PHACTR2: variants seen among roughly 807,000 people sequenced by gnomAD.
PHACTR2 encodes phosphatase and actin regulator 2.
A neutral mutation model predicts 76.0 loss-of-function variants in PHACTR2; 30 were observed. The ratio of observed to expected loss-of-function variants is 0.39; its 90% CI spans 0.30 to 0.54. PHACTR2 has a LOEUF of 0.54. PHACTR2 is among the 20% of genes least tolerant of loss of function. The pLI is 0.61. For synonymous variants in PHACTR2, 292 were observed against 292.5 expected, an observed-to-expected ratio of 1.00 and a Z score of 0.02; for missense variants, 696 against 781.1, an observed-to-expected ratio of 0.89 and a Z score of 1.30.
Position 143,710,113 on chromosome 6 carries a change from G to A in PHACTR2, c.47-1903G>A, listed in dbSNP as rs1181859939. 2.6e-5 allele frequency among the ~76,000 whole-genome samples: 4 copies of A among 152,138 alleles called. No individual in the cohort carries two copies. The highest frequency in any genetic ancestry group is 5.9e-5 in the Non-Finnish European group (4 of 68,034). On this transcript the variant is annotated intron_variant, in intron 1 of 12. Transcript: ENST00000440869. The surrounding 1 kb of genome is among the most constrained non-coding windows in gnomAD (Gnocchi z 4.9). The stretch of plus-strand genomic sequence containing the variant: ...TATGTTGCTACTCTGCCCCTTTCCT[G>A]GTTATGTGGCTAGAGAGTGCAGACG...
chr6:143,705,140 G>A (rs777019635), intron 1 of PHACTR2, among the ~76,000 whole-genome samples: 4 of 141,916 alleles, frequency 2.8e-5, no homozygotes, highest in Admixed American at 7.0e-5. Context: ...TTATTTTTGA[G>A]ACAAGTCTCG....
At chr6:143,748,096 G>C (rs1331404549) in intron 2 of PHACTR2, among the ~76,000 whole-genome samples, 1 of 151,128 alleles carries the variant, frequency 6.6e-6, no homozygotes, top group South Asian at 2.1e-4. Flanking sequence ...ATGGAGTTTC[G>C]CTCTTGTCGC....
chr6:143,788,863 G>A lies in PHACTR2; in HGVS notation c.1798G>A (p.Asp600Asn). ...AGAAGTCACGGATTCTCCTGACTAT[G>A]ACCGCCGAGCAGACAAGCCCTGGGC... The part of the protein sequence containing the change: ...YVEVTDSPDY[D>N]RRADKPWARL... The change falls in exon 11 of 13, where the codon GAC becomes AAC. Residue 600 changes from aspartate (D) to asparagine (N), a missense_variant. This residue lies in a region of PHACTR2 where 236 missense variants were observed against 330.2 expected (regional missense o/e 0.71). Transcript: ENST00000440869. 6.2e-7 allele frequency: 1 copy of A among 1,613,780 alleles called. No homozygotes were observed.
chr6:143,830,161 TTC>T lies in PHACTR2; in HGVS notation c.*6474_*6475del, dbSNP rs1183972196. ...TCCCTTAAAATATAGGGACTAATAT[TTC>T]TTTTTCTTTTTTTTAAAAAAAACAT... On this transcript the variant is annotated 3_prime_UTR_variant, in exon 13 of 13. Coordinates refer to ENST00000440869, the MANE Select transcript of PHACTR2 (RefSeq NM_001100164.2). 6.6e-6 allele frequency: 1 copy of T among 152,098 alleles called. No individual in the cohort carries two copies. The highest frequency in any genetic ancestry group is 1.5e-5 in the Non-Finnish European group (1 of 68,030). The allele number at this position is 152,098 out of a possible 1,614,324, so 9.4% of individuals were successfully genotyped here.
At chr6:143,670,910 G>A (rs1345843594) in intron 1 of PHACTR2, among the ~76,000 whole-genome samples, 1 of 147,928 alleles carries the variant, frequency 6.8e-6, no homozygotes, top group Non-Finnish European at 1.5e-5. Context: ...ATTCTTTGGA[G>A]GAGAAGAAGG....
At chr6:143,745,924 AAG>A (rs1313259646) in intron 2 of PHACTR2, among the ~76,000 whole-genome samples, 13 of 152,228 alleles carry the variant, frequency 8.5e-5, no homozygotes, top group African/African-American at 1.4e-4. Context: ...ACAAGGAAGA[AAG>A]AGGGGGAATT....
At chr6:143,576,147 C>T (rs939001970) in intron 1 of PHACTR2, among the ~76,000 whole-genome samples, 1 of 152,214 alleles carries the variant, frequency 6.6e-6, no homozygotes, top group Non-Finnish European at 1.5e-5. Context: ...AGCTTGGTGT[C>T]TTCACATTAG....
chr6:143,635,308 C>T (rs1776431055), intron 1 of PHACTR2, among the ~76,000 whole-genome samples: 1 of 122,920 alleles, frequency 8.1e-6, no homozygotes, highest in East Asian at 2.2e-4. Context: ...ATTGACGGAG[C>T]ATTTAGGATG....
intron 1 of PHACTR2, among the ~76,000 whole-genome samples, chr6:143,582,912 A>G (rs1490501234): frequency 6.6e-6 from 1 of 152,226 alleles, no homozygotes. Flanking sequence ...GTATTGAAAG[A>G]AAAAAGGCTA....
intron 1 of PHACTR2, among the ~76,000 whole-genome samples, chr6:143,650,693 A>G (rs1042536694): frequency 1.3e-5 from 2 of 152,248 alleles, no homozygotes; most frequent in East Asian, 1.9e-4. Context: ...AAGATGGATT[A>G]AAGACTTAAG....
chr6:143,705,350 A>AGTG (rs1239827364), intron 1 of PHACTR2, among the ~76,000 whole-genome samples: 2 of 141,984 alleles, frequency 1.4e-5, no homozygotes, highest in Admixed American at 1.5e-4. Context: ...GCTGGAGTGC[A>AGTG]GTGGCGCAAT....
In PHACTR2 at chr6:143,822,291, C is replaced by G. The variant is rs982960512; in HGVS notation, c.1923-1383C>G. Among the ~76,000 whole-genome samples the G allele has an allele frequency of 6.6e-6, 1 of 152,144 alleles. No individual in the cohort carries two copies. The highest frequency in any genetic ancestry group is 1.5e-5 in the Non-Finnish European group (1 of 68,014). On this transcript the variant is annotated intron_variant, in intron 12 of 12. Coordinates refer to ENST00000440869, the MANE Select transcript of PHACTR2 (RefSeq NM_001100164.2). This position sits in a 1 kb window ranked among gnomAD's most constrained non-coding sequence, Gnocchi z 5.5. ...TGTCCTCCCACCTCAACCTCCCAAG[C>G]AGCTGGGATTACAGGTGTATGCTAC... is the stretch of plus-strand genomic sequence containing the variant.
In PHACTR2 at chr6:143,772,214, G is replaced by T; in HGVS notation, c.1233-44G>T. Reference sequence around the variant, plus strand: ...CTTAGTGTCAGTGCCGCCAAGGGTTGCTCTGAGCTTCACATCACTCCCATG... The same window carrying T: ...CTTAGTGTCAGTGCCGCCAAGGGTTTCTCTGAGCTTCACATCACTCCCATG... On this transcript the variant is annotated intron_variant, in intron 6 of 12. Coordinates refer to ENST00000440869, the MANE Select transcript of PHACTR2 (RefSeq NM_001100164.2). This position sits in a 1 kb window ranked among gnomAD's most constrained non-coding sequence, Gnocchi z 5.4. 2 of 1,414,504 alleles carry T rather than the reference G, an allele frequency of 1.4e-6. No individual in the cohort carries two copies. Among genetic ancestry groups the T allele is most frequent in the Non-Finnish European group, 2.0e-6 (2 of 998,472 alleles). The allele number at this position is 1,414,504 out of a possible 1,614,324, so 87.6% of individuals were successfully genotyped here. A position where few individuals can be genotyped will look rare whatever the true frequency, so the allele number is the denominator to read the frequency against.
At chr6:143,781,544 A>G (rs1775434573) in intron 9 of PHACTR2, among the ~76,000 whole-genome samples, 1 of 152,234 alleles carries the variant, frequency 6.6e-6, no homozygotes, top group Non-Finnish European at 1.5e-5. Flanking sequence ...TGTCATCAAT[A>G]TCACTAACAA....
In PHACTR2 at chr6:143,589,846, T is replaced by C. The variant is rs9496692; in HGVS notation, c.217+52639T>C. 0.42 allele frequency among the ~76,000 whole-genome samples: 64,015 copies of C among 152,082 alleles called. 13,912 individuals are homozygous for C. Among genetic ancestry groups the C allele is most frequent in the African/African-American group, 0.46 (19,215 of 41,458 alleles). On this transcript the variant is annotated intron_variant, in intron 1 of 11. Coordinates refer to the PHACTR2 transcript ENST00000367584. The surrounding 1 kb of genome is among the most constrained non-coding windows in gnomAD (Gnocchi z 4.4). The stretch of plus-strand genomic sequence containing the variant: ...TATTTCATATTATAGAAGATGACGA[T>C]ACACATCCCAGCTCATTCTAGAACC...
chr6:143,681,950 C>T (rs531799529), intron 1 of PHACTR2, among the ~76,000 whole-genome samples: 4 of 152,210 alleles, frequency 2.6e-5, no homozygotes, highest in Non-Finnish European at 5.9e-5. Flanking sequence ...ATGCCAGTTA[C>T]CACAATGTCT....
rs1353915984 is a variant in PHACTR2 at position 143,554,046 on chromosome 6, G to A, written c.217+16839G>A. 6.6e-6 allele frequency among the ~76,000 whole-genome samples: 1 copy of A among 152,172 alleles called. No homozygotes were observed. Among genetic ancestry groups the A allele is most frequent in the East Asian group, 1.9e-4 (1 of 5,192 alleles). ...GACATTTTCTCTGAGTGAGACTGGGGATCCAGTGGCGGGGGCGCTGGGCAG... is the reference window on the plus strand; with the variant it reads ...GACATTTTCTCTGAGTGAGACTGGGAATCCAGTGGCGGGGGCGCTGGGCAG... On this transcript the variant is annotated intron_variant, in intron 1 of 11. Transcript: ENST00000367584. The surrounding 1 kb of genome is among the most constrained non-coding windows in gnomAD (Gnocchi z 5.9).
At position 143,689,165 on chromosome 6, in the gene PHACTR2, T is replaced by C. The variant is rs933951136; in HGVS notation, c.46+10956T>C. ...TGGATCCTTGTGCTTCATAGAGACC[T>C]TCCCTGCCTACCCCTCTCCAGAATA... On this transcript the variant is annotated intron_variant, in intron 1 of 12. Coordinates refer to ENST00000440869, the MANE Select transcript of PHACTR2 (RefSeq NM_001100164.2). The surrounding 1 kb of genome is among the most constrained non-coding windows in gnomAD (Gnocchi z 4.4). Among the ~76,000 whole-genome samples, 1 of 152,188 alleles carries C rather than the reference T, an allele frequency of 6.6e-6. No individual in the cohort carries two copies. The highest frequency in any genetic ancestry group is 6.5e-5 in the Admixed American group (1 of 15,276).
rs1018853237 is a variant in PHACTR2 at position 143,709,616 on chromosome 6, G to A, written c.47-2400G>A. ...GGGTGCCGCCTTGTCACCCCGACAT[G>A]GAGGTAAAAATCCCATTTCTCCACC... On this transcript the variant is annotated intron_variant, in intron 1 of 12. Transcript: ENST00000440869. This position sits in a 1 kb window ranked among gnomAD's most constrained non-coding sequence, Gnocchi z 4.4. 1.3e-5 allele frequency among the ~76,000 whole-genome samples: 2 copies of A among 152,158 alleles called. No individual in the cohort carries two copies. Among genetic ancestry groups the A allele is most frequent in the African/African-American group, 4.8e-5 (2 of 41,408 alleles).
Sources: gnomAD v4.1 joint callset for allele counts (sites outside exome capture counted in the v4.1 genomes callset) on GRCh38, gnomAD v4.1.1 for gene constraint, gnomAD v4.1.1 regional missense constraint, Gnocchi (gnomAD v3.1) non-coding constraint, MANE v1.5 for transcripts, NCBI Gene and HGNC (gene_info 2026-07-23, HGNC 2026-07-21) for gene names.